AOPEP: variants seen among roughly 807,000 people sequenced by gnomAD.
AOPEP encodes aminopeptidase O (putative).
A neutral mutation model predicts 98.1 loss-of-function variants in AOPEP; 77 were observed. The ratio of observed to expected loss-of-function variants is 0.78; its 90% CI spans 0.65 to 0.95. The LOEUF (loss-of-function observed/expected upper bound fraction) is 0.95. Ranked by LOEUF, AOPEP falls within the 40% of genes least tolerant of loss-of-function variation. AOPEP has a pLI of 0.00. For missense variants in AOPEP, 1,024 were observed against 1,024.7 expected, an observed-to-expected ratio of 1.00 and a Z score of 0.01; for synonymous variants, 346 against 365.3, an observed-to-expected ratio of 0.95 and a Z score of 0.60.
At chr9:95,022,981 A>G (rs1327038381) in intron 13 of AOPEP, among the ~76,000 whole-genome samples, 2 of 152,176 alleles carry the variant, frequency 1.3e-5, no homozygotes, top group African/African-American at 4.8e-5. Flanking sequence ...CCGGAATGAC[A>G]TGGGTTTGTG....
At chr9:94,960,625 T>G (rs1169830795) in intron 9 of AOPEP, among the ~76,000 whole-genome samples, 1 of 152,208 alleles carries the variant, frequency 6.6e-6, no homozygotes, top group Non-Finnish European at 1.5e-5. Flanking sequence ...CATGAATATT[T>G]TATTTTGATT....
intron 5 of AOPEP, among the ~76,000 whole-genome samples, chr9:94,917,736 C>T (rs566310293): frequency 1.3e-5 from 2 of 152,320 alleles, no homozygotes; most frequent in South Asian, 4.1e-4. Flanking sequence ...CCCAGCTTGT[C>T]TTCTGCATCC....
At chr9:94,767,214 A>G (rs561887256) in intron 2 of AOPEP, among the ~76,000 whole-genome samples, 2 of 152,350 alleles carry the variant, frequency 1.3e-5, no homozygotes, top group African/African-American at 4.8e-5. Flanking sequence ...ATGATATTGT[A>G]TGACTGCAGA....
intron 5 of AOPEP, among the ~76,000 whole-genome samples, chr9:94,803,669 T>A (rs1848652113): frequency 6.6e-6 from 1 of 152,230 alleles, no homozygotes; most frequent in Non-Finnish European, 1.5e-5. Context: ...AACATGGCAG[T>A]AACTAGAACA....
At chr9:95,029,391 A>G (rs2064110147) in intron 13 of AOPEP, among the ~76,000 whole-genome samples, 2 of 152,262 alleles carry the variant, frequency 1.3e-5, no homozygotes, top group Middle Eastern at 3.4e-3. Flanking sequence ...CATGCCCTGT[A>G]AACCGGTGTG....
intron 15 of AOPEP, among the ~76,000 whole-genome samples, chr9:95,082,253 CTCTG>C (rs1236770775): frequency 6.6e-6 from 1 of 152,228 alleles, no homozygotes; most frequent in Non-Finnish European, 1.5e-5. Flanking sequence ...TGGGAACCAT[CTCTG>C]TCTGTTCAGA....
intron 14 of AOPEP, among the ~76,000 whole-genome samples, chr9:95,074,486 A>G (rs2068834839): frequency 6.6e-6 from 1 of 152,220 alleles, no homozygotes; most frequent in Non-Finnish European, 1.5e-5. Context: ...AAACCCGGAA[A>G]GTGCTGAATC....
intron 5 of AOPEP, among the ~76,000 whole-genome samples, chr9:94,827,118 C>G (rs1461581686): frequency 6.6e-6 from 1 of 152,186 alleles, no homozygotes; most frequent in South Asian, 2.1e-4. Flanking sequence ...AACAGCTTCT[C>G]TTCTTTTCTG....
chr9:94,833,939 A>G (rs958377537), intron 5 of AOPEP, among the ~76,000 whole-genome samples: 3 of 149,934 alleles, frequency 2.0e-5, no homozygotes, highest in Admixed American at 6.6e-5. Context: ...GATCTAGGCA[A>G]TGATCATTTT....
At chr9:94,913,792 T>C (rs1196983586) in intron 5 of AOPEP, among the ~76,000 whole-genome samples, 1 of 152,270 alleles carries the variant, frequency 6.6e-6, no homozygotes, top group Non-Finnish European at 1.5e-5. Flanking sequence ...ATTTTCCTTC[T>C]ATTTACACTT....
At chr9:95,103,748 G>A in the AOPEP span, among the ~76,000 whole-genome samples, 4 of 152,218 alleles carry the variant, frequency 2.6e-5, no homozygotes, top group Admixed American at 2.6e-4. Context: ...GGGCCTCCAG[G>A]TGCCTGGAGA....
chr9:94,850,796 C>T (rs1588537227), intron 5 of AOPEP, among the ~76,000 whole-genome samples: 1 of 152,186 alleles, frequency 6.6e-6, no homozygotes, highest in East Asian at 1.9e-4. Flanking sequence ...TGAGTTCATC[C>T]TGGTTCATCT....
intron 5 of AOPEP, among the ~76,000 whole-genome samples, chr9:94,815,587 T>C (rs1482132517): frequency 6.6e-6 from 1 of 151,914 alleles, no homozygotes; most frequent in Non-Finnish European, 1.5e-5. Flanking sequence ...CTGAAGGCAA[T>C]CCCTTTTCCA....
At chr9:94,938,056 G>C (rs1296570362) in intron 7 of AOPEP, among the ~76,000 whole-genome samples, 1 of 152,158 alleles carries the variant, frequency 6.6e-6, no homozygotes, top group African/African-American at 2.4e-5. Flanking sequence ...TGTATTTTTA[G>C]TGGAGACAGG....
chr9:94,802,295 A>G lies in AOPEP; in HGVS notation c.1364+1293A>G, dbSNP rs57933275. Among the ~76,000 whole-genome samples, 756 of 152,082 alleles carry G rather than the reference A, an allele frequency of 5.0e-3. 3 individuals carry two copies. The highest frequency in any genetic ancestry group is 0.017 in the African/African-American group (703 of 41,454). Reference sequence around the variant, plus strand: ...TTTGTACATGGGTTTGAGGGGCCCTATTTACTTGGGAGTTTTTAGCACTTC... The same window carrying G: ...TTTGTACATGGGTTTGAGGGGCCCTGTTTACTTGGGAGTTTTTAGCACTTC... On this transcript the variant is annotated intron_variant, in intron 5 of 16. Transcript: ENST00000375315.
intron 6 of AOPEP, among the ~76,000 whole-genome samples, chr9:94,925,321 C>T (rs919927321): frequency 6.6e-6 from 1 of 152,192 alleles, no homozygotes; most frequent in South Asian, 2.1e-4. Context: ...ACTTTTTTCC[C>T]CCTGTCATCT....
At chr9:94,903,649 A>C (rs2050728295) in intron 5 of AOPEP, among the ~76,000 whole-genome samples, 1 of 151,508 alleles carries the variant, frequency 6.6e-6, no homozygotes, top group African/African-American at 2.4e-5. Flanking sequence ...ACAGTTTTCA[A>C]GTTTGCCTGG....
chr9:94,982,860 G>T (rs2060274743), intron 11 of AOPEP, among the ~76,000 whole-genome samples: 1 of 151,940 alleles, frequency 6.6e-6, no homozygotes, highest in Non-Finnish European at 1.5e-5. Flanking sequence ...TCCAAACAAA[G>T]GTTTCCCTCG....
At chr9:95,030,409 G>A (rs185339479) in intron 13 of AOPEP, among the ~76,000 whole-genome samples, 2 of 152,296 alleles carry the variant, frequency 1.3e-5, no homozygotes, top group African/African-American at 2.4e-5. Flanking sequence ...TTCATAAAAA[G>A]CAACTTCATT....
Sources: gnomAD v4.1 joint callset for allele counts (sites outside exome capture counted in the v4.1 genomes callset) on GRCh38, gnomAD v4.1.1 for gene constraint, MANE v1.5 for transcripts, NCBI Gene and HGNC (gene_info 2026-07-23, HGNC 2026-07-21) for gene names.